The following LLGL1 variants were observed in gnomAD, a reference collection of about 807,000 sequenced individuals.
LLGL1 encodes LLGL scribble cell polarity complex component 1.
Under a neutral mutation model 110.6 loss-of-function variants are expected in LLGL1, and 58 were observed. The observed-to-expected ratio is 0.52, with a 90% CI of 0.42 to 0.65. The LOEUF (loss-of-function observed/expected upper bound fraction) is 0.65, where lower values mean the gene tolerates loss of function less well. LLGL1 is among the 30% of genes least tolerant of loss of function. The probability of loss-of-function intolerance (pLI) is 0.00; values close to 1 mark genes in which losing one functional copy is unlikely to be tolerated. For missense variants in LLGL1, 1,229 were observed against 1,462.1 expected (o/e 0.84, Z 2.60); for synonymous variants, 674 against 607.2 (o/e 1.11, Z -1.62).
Position 18,232,675 on chromosome 17 carries a change from C to G in LLGL1, c.265C>G (p.Arg89Gly), listed in dbSNP as rs775418941. ...TTCATCTCTGCTCACACACCAGGGC[C>G]GCCTCCTGTCCCTGCTTGATGACAG... is the stretch of plus-strand genomic sequence containing the variant. ...TQMHFLTGQG[R>G]LLSLLDDSSL... Residue 89 changes from arginine to glycine, a missense_variant, in exon 4 of 23, where the codon CGC becomes GGC. By Grantham distance (125) the Arg-to-Gly change is moderately radical. Coordinates refer to ENST00000316843, the MANE Select transcript of LLGL1 (RefSeq NM_004140.4). The G allele has an allele frequency of 6.2e-7, 1 of 1,614,168 alleles. No homozygotes were observed. The highest frequency in any genetic ancestry group is 1.3e-5 in the African/African-American group (1 of 75,062).
intron 16 of LLGL1, among the ~76,000 whole-genome samples, chr17:18,238,847 C>T (rs2047756890): frequency 6.6e-6 from 1 of 152,168 alleles, no homozygotes. Context: ...CTCGTCTCTA[C>T]TAAAAATACA....
intron 10 of LLGL1, 37 bp from the exon 11 acceptor site, chr17:18,235,433 C>A: frequency 6.2e-7 from 1 of 1,613,266 alleles, no homozygotes; most frequent in South Asian, 1.1e-5. Context: ...GATGTTCGTC[C>A]TAACCTTGTG....
chr17:18,241,397 C>G, intron 17 of LLGL1, 54 bp from the exon 18 acceptor site: 1 of 1,564,590 alleles, frequency 6.4e-7, no homozygotes, highest in Middle Eastern at 1.7e-4. Flanking sequence ...GGGTGAGGGG[C>G]CCTGGGGACG....
chr17:18,234,113 G>A lies in LLGL1; in HGVS notation c.652G>A (p.Gly218Ser). 1.2e-6 allele frequency: 2 copies of A among 1,612,038 alleles called. No homozygotes were observed. The highest frequency in any genetic ancestry group is 1.7e-6 in the Non-Finnish European group (2 of 1,179,032). ...AAAGATTCTCATTGGCTACAGCCGG[G>A]GCCTGCTGGTCATCTGGAACCAGGC... ...PTKILIGYSR[G>S]LLVIWNQASQ... Residue 218 changes from glycine to serine, a missense_variant, in exon 6 of 23, where the codon GGC becomes AGC. By Grantham distance (56) the Gly-to-Ser change is moderately conservative. Coordinates refer to ENST00000316843, the MANE Select transcript of LLGL1 (RefSeq NM_004140.4).
chr17:18,242,776 C>T lies in LLGL1; in HGVS notation c.3150C>T (p.Asn1050=). The T allele has an allele frequency of 1.3e-6, 2 of 1,568,868 alleles. No individual in the cohort carries two copies. The highest frequency in any genetic ancestry group is 1.9e-5 in the Admixed American group (1 of 52,866). The change falls in exon 22 of 23, where the codon AAC becomes AAT. Residue 1050 remains asparagine (N), a synonymous_variant. Coordinates refer to ENST00000316843, the MANE Select transcript of LLGL1 (RefSeq NM_004140.4). ...AGGAGTCAGAGAAGAACCTGAGGAACCTGGCAGAAGACGAGGCCCACGCCT... is the reference window on the plus strand; with the variant it reads ...AGGAGTCAGAGAAGAACCTGAGGAATCTGGCAGAAGACGAGGCCCACGCCT... ...SSEESEKNLR[N]LAEDEAHACA... is the part of the protein sequence containing the mutation.
chr17:18,234,565 A>G, intron 7 of LLGL1, 84 bp from the exon 8 acceptor site: 1 of 1,590,438 alleles, frequency 6.3e-7, no homozygotes, highest in Non-Finnish European at 8.6e-7. Flanking sequence ...GCTGTAAGGT[A>G]GAGAGCAGTG....
Position 18,238,438 on chromosome 17 carries a change from G to T in LLGL1, c.2053-18G>T. The T allele has an allele frequency of 6.3e-7, 1 of 1,599,236 alleles. No individual in the cohort carries two copies. Among genetic ancestry groups the T allele is most frequent in the South Asian group, 1.1e-5 (1 of 89,510 alleles). On this transcript the variant is annotated intron_variant, in intron 15 of 22. Coordinates refer to ENST00000316843, the MANE Select transcript of LLGL1 (RefSeq NM_004140.4). The stretch of plus-strand genomic sequence containing the variant: ...TGGGGTGCTAGGGAGACAGTGTTCA[G>T]GAGCCCCCGCCCGGCAGTTGCAGGA...
chr17:18,238,308 C>T, intron 15 of LLGL1, 94 bp downstream of exon 15: 2 of 1,583,286 alleles, frequency 1.3e-6, no homozygotes, highest in Non-Finnish European at 8.6e-7. Flanking sequence ...TAGCTCAGTG[C>T]TCCTCCCTCG....
In LLGL1 at chr17:18,225,703, G is replaced by C; in HGVS notation, c.21G>C (p.Arg7=). 9.5e-7 allele frequency: 1 copy of C among 1,051,052 alleles called. No homozygotes were observed. Among genetic ancestry groups the C allele is most frequent in the Non-Finnish European group, 1.2e-6 (1 of 862,830 alleles). 65.1% of individuals were successfully genotyped at this position (1,051,052 alleles called of 1,614,324 possible). Residue 7 remains arginine (R), a synonymous_variant, in exon 1 of 23, where the codon CGG becomes CGC. Transcript: ENST00000316843. ...GCAAGATGATGAAGTTTCGGTTCCGGCGGCAGGGCGCCGACCCGCAGCGCG... is the reference window on the plus strand; with the variant it reads ...GCAAGATGATGAAGTTTCGGTTCCGCCGGCAGGGCGCCGACCCGCAGCGCG... The part of the protein sequence containing the change: MMKFRF[R]RQGADPQREK...
At position 18,232,761 on chromosome 17, in the gene LLGL1, C is replaced by G. The variant is rs1422732818; in HGVS notation, c.351C>G (p.Leu117=). 2.5e-6 allele frequency: 4 copies of G among 1,613,960 alleles called. No individual in the cohort carries two copies. The highest frequency in any genetic ancestry group is 1.1e-5 in the South Asian group (1 of 91,070). ...HNGCAHLEEA[L]SFQLPSRPGF... Reference sequence around the variant, plus strand: ...GCTGTGCCCACCTGGAAGAAGCACTCAGTTTCCAGCTGCCCAGCCGGCCCG... The same window carrying G: ...GCTGTGCCCACCTGGAAGAAGCACTGAGTTTCCAGCTGCCCAGCCGGCCCG... Residue 117 remains leucine (L), a synonymous_variant, in exon 4 of 23, where the codon CTC becomes CTG. Transcript: ENST00000316843.
rs1189687152 is a variant in LLGL1 at position 18,235,554 on chromosome 17, A to G, written c.1352+17A>G. ...GCTGACGGGGTAGGTGTGCGTGCTT[A>G]TGTGGGTGAGTGGGCCCCTTGCTGT... is the stretch of plus-strand genomic sequence containing the variant. On this transcript the variant is annotated intron_variant, in intron 11 of 22. Coordinates refer to ENST00000316843, the MANE Select transcript of LLGL1 (RefSeq NM_004140.4). 3 of 1,610,948 alleles carry G rather than the reference A, an allele frequency of 1.9e-6. No individual in the cohort carries two copies. The highest frequency in any genetic ancestry group is 1.7e-6 in the Non-Finnish European group (2 of 1,178,384).
At position 18,241,714 on chromosome 17, in the gene LLGL1, G is replaced by A. The variant is rs1285246714; in HGVS notation, c.2766G>A (p.Gln922=). ...CGTGCGTCTTTACGCGCCATGGCCA[G>A]GGTGAGGCGGGGCAGAGGCCGAGGA... The part of the protein sequence containing the change: ...IASCVFTRHG[Q]GFYLISPSEF... The change falls in exon 18 of 23, where the codon CAG becomes CAA. Residue 922 remains glutamine (Q), a splice_region_variant and synonymous_variant. Transcript: ENST00000316843. The A allele has an allele frequency of 3.1e-6, 5 of 1,612,314 alleles. No homozygotes were observed. Among genetic ancestry groups the A allele is most frequent in the Middle Eastern group, 1.7e-4 (1 of 6,058 alleles).
chr17:18,226,988 C>G (rs2047458167), intron 1 of LLGL1, among the ~76,000 whole-genome samples: 1 of 152,236 alleles, frequency 6.6e-6, no homozygotes, highest in Non-Finnish European at 1.5e-5. Context: ...CAATATCTTT[C>G]TTGAGTTCTT....
At position 18,242,525 on chromosome 17, in the gene LLGL1, G is replaced by A. The variant is rs755481281; in HGVS notation, c.3013G>A (p.Glu1005Lys). The A allele has an allele frequency of 1.7e-5, 28 of 1,613,860 alleles. No individual in the cohort carries two copies. Among genetic ancestry groups the A allele is most frequent in the South Asian group, 1.1e-4 (10 of 91,082 alleles). The change falls in exon 21 of 23, where the codon GAG becomes AAG. Residue 1005 changes from glutamate to lysine, a missense_variant. Coordinates refer to ENST00000316843, the MANE Select transcript of LLGL1 (RefSeq NM_004140.4). ...CCCTGTAGACACCCCGGAGCCACCC[G>A]AGGCTGCACTCTCACCCATGTCCAT... Reference protein sequence around the residue: ...SMGPDTPEPPEAALSPMSIDS... With the variant: ...SMGPDTPEPPKAALSPMSIDS...
intron 8 of LLGL1, 65 bp from the exon 9 acceptor site, chr17:18,234,774 A>G (rs1454423031): frequency 8.7e-6 from 14 of 1,613,154 alleles, no homozygotes; most frequent in African/African-American, 1.3e-5. Flanking sequence ...GGCTCTCCCT[A>G]GGTTGTGCAG....
At chr17:18,233,656 G>A in intron 4 of LLGL1, 122 bp from the exon 5 acceptor site, 1 of 1,035,466 alleles carries the variant, frequency 9.7e-7, no homozygotes, top group South Asian at 1.6e-5. Context: ...GGCTCTGTAA[G>A]TAGGCCCTGG....
chr17:18,229,395 T>G (rs2047520073), intron 1 of LLGL1, among the ~76,000 whole-genome samples: 1 of 152,102 alleles, frequency 6.6e-6, no homozygotes, highest in East Asian at 1.9e-4. Context: ...TGTCTCCCTG[T>G]GTCTGGGAGG....
In LLGL1 at chr17:18,234,035, G is replaced by C. The variant is rs1181590424; in HGVS notation, c.574G>C (p.Gly192Arg). ...LRSVPDDYRC[G>R]KALGPVESLQ... The stretch of plus-strand genomic sequence containing the variant: ...CAGCGTGCCAGACGACTACCGCTGT[G>C]GGAAGGCACTGGGCCCCGTGGAGTC... The change falls in exon 6 of 23, where the codon GGG (glycine) becomes CGG (arginine). Residue 192 changes from glycine to arginine, a missense_variant. Transcript: ENST00000316843. 6.3e-7 allele frequency: 1 copy of C among 1,595,376 alleles called. No individual in the cohort carries two copies. Among genetic ancestry groups the C allele is most frequent in the Non-Finnish European group, 8.6e-7 (1 of 1,167,492 alleles).
intron 14 of LLGL1, 52 bp downstream of exon 14, chr17:18,237,825 C>T (rs1356109206): frequency 1.3e-6 from 2 of 1,547,920 alleles, no homozygotes; most frequent in African/African-American, 1.4e-5. Flanking sequence ...GAGATGGGGT[C>T]TGGGCTTCCG....
Sources: gnomAD v4.1 joint callset for allele counts (sites outside exome capture counted in the v4.1 genomes callset) on GRCh38, gnomAD v4.1.1 for gene constraint, MANE v1.5 for transcripts, NCBI Gene and HGNC (gene_info 2026-07-23, HGNC 2026-07-21) for gene names.